The following CACNA1A variants were observed in gnomAD, a reference collection of about 807,000 sequenced individuals.
The protein encoded by CACNA1A is calcium voltage-gated channel subunit alpha1 A, also known as voltage-dependent P/Q-type calcium channel subunit alpha-1A.
CACNA1A carries 57 observed loss-of-function variants against 262.4 expected under a neutral mutation model. The observed-to-expected ratio is 0.22, with a 90% CI of 0.18 to 0.27. The LOEUF (loss-of-function observed/expected upper bound fraction) is 0.27, where lower values mean the gene tolerates loss of function less well. Ranked by LOEUF, CACNA1A falls within the 10% of genes least tolerant of loss-of-function variation. The probability of loss-of-function intolerance (pLI) is 1.00; values close to 1 mark genes in which losing one functional copy is unlikely to be tolerated. For missense variants in CACNA1A, 2,526 were observed against 3,562.8 expected (o/e 0.71, Z 7.41); for synonymous variants, 1,431 against 1,419.3 (o/e 1.01, Z -0.18).
At chr19:13,286,368 A>G in intron 20 of CACNA1A, 135 bp downstream of exon 20, 1 of 472,040 alleles carries the variant, frequency 2.1e-6, no homozygotes, top group East Asian at 3.3e-5. Flanking sequence ...GTAGGAAACT[A>G]CGCCTATGCC....
intron 3 of CACNA1A, chr19:13,451,115 T>A (rs1268447500): frequency 6.6e-6 from 1 of 152,320 alleles, no homozygotes; most frequent in Admixed American, 6.6e-5. Context: ...CCAACAAAGA[T>A]CCCTCTGTGA....
chr19:13,445,133 T>C (rs796317403), intron 3 of CACNA1A, among the ~76,000 whole-genome samples: 118 of 128,584 alleles, frequency 9.2e-4, no homozygotes, highest in African/African-American at 3.6e-3. Flanking sequence ...AGAGAAAAAC[T>C]CCGTCTCAAA....
At chr19:13,301,224 G>A (rs1463649712) in intron 17 of CACNA1A, among the ~76,000 whole-genome samples, 1 of 151,218 alleles carries the variant, frequency 6.6e-6, no homozygotes, top group East Asian at 1.9e-4. Flanking sequence ...CCAAAGTGCT[G>A]GGATTCCAGG....
At position 13,376,988 on chromosome 19, in the gene CACNA1A, G is replaced by A. The variant is rs559818792; in HGVS notation, c.540-5209C>T. Among the ~76,000 whole-genome samples the A allele has an allele frequency of 1.6e-4, 23 of 140,668 alleles. 2 individuals are homozygous for A. Among genetic ancestry groups the A allele is most frequent in the African/African-American group, 3.7e-4 (14 of 38,006 alleles). The allele number at this position is 140,668 out of a possible 152,430, so 92.3% of individuals were successfully genotyped here. On this transcript the variant is annotated intron_variant, in intron 3 of 46. Coordinates refer to ENST00000360228, the MANE Select transcript of CACNA1A (RefSeq NM_001127222.2). ...ATATATATGTATTTTAGATGAAGTCGCACTCTTGTTGCCCAGGCTGGAGTG... is the reference window on the plus strand; with the variant it reads ...ATATATATGTATTTTAGATGAAGTCACACTCTTGTTGCCCAGGCTGGAGTG...
chr19:13,319,985 C>T (rs142971932), intron 10 of CACNA1A, among the ~76,000 whole-genome samples: 2 of 152,248 alleles, frequency 1.3e-5, no homozygotes, highest in South Asian at 2.1e-4. Context: ...ACATTCCACT[C>T]GGCTGCAGTT....
chr19:13,207,028 T>G lies in CACNA1A; in HGVS notation c.*285A>C. On this transcript the variant is annotated 3_prime_UTR_variant, in exon 47 of 47. Coordinates refer to ENST00000360228, the MANE Select transcript of CACNA1A (RefSeq NM_001127222.2). This position sits in a 1 kb window ranked among gnomAD's most constrained non-coding sequence, Gnocchi z 5.7. ...TGAGTTAATTCAAATCCCTTGGCTGTGTGGTTTGTCTGCTCCCTGCCTCCC... is the reference window on the plus strand; with the variant it reads ...TGAGTTAATTCAAATCCCTTGGCTGGGTGGTTTGTCTGCTCCCTGCCTCCC... 5.5e-5 allele frequency: 10 copies of G among 181,666 alleles called. No homozygotes were observed. The highest frequency in any genetic ancestry group is 1.5e-4 in the East Asian group (1 of 6,748). The allele number at this position is 181,666 out of a possible 1,614,324, so 11.3% of individuals were successfully genotyped here. A position where few individuals can be genotyped will look rare whatever the true frequency, so the allele number is the denominator to read the frequency against.
intron 38 of CACNA1A, among the ~76,000 whole-genome samples, chr19:13,215,632 T>C (rs1246617029): frequency 6.6e-6 from 1 of 151,424 alleles, no homozygotes; most frequent in South Asian, 2.1e-4. Context: ...TTTTTTTTTT[T>C]TTTTTGACAG....
In CACNA1A at chr19:13,326,816, A is replaced by G. The variant is rs112773650; in HGVS notation, c.1345+3428T>C. On this transcript the variant is annotated intron_variant, in intron 10 of 46. Transcript: ENST00000360228. ...AAAAAAAAAAAAAAGGACTGTGCAT[A>G]CTGTGGTATAATGTGAACGTGAACG... Among the ~76,000 whole-genome samples the G allele has an allele frequency of 2.6e-3, 395 of 150,296 alleles. 3 individuals are homozygous for G. The highest frequency in any genetic ancestry group is 8.8e-3 in the African/African-American group (361 of 41,036).
intron 1 of CACNA1A, among the ~76,000 whole-genome samples, chr19:13,461,203 A>G (rs1301162877): frequency 1.3e-5 from 2 of 152,070 alleles, no homozygotes; most frequent in African/African-American, 4.8e-5. Flanking sequence ...AGCTGGGCAT[A>G]GTGGCAGACG....
chr19:13,506,149 C>A lies in CACNA1A; in HGVS notation c.76G>T (p.Gly26Cys). 1 of 1,570,936 alleles carries A rather than the reference C, an allele frequency of 6.4e-7. No individual in the cohort carries two copies. The highest frequency in any genetic ancestry group is 1.9e-5 in the Admixed American group (1 of 53,382). ...CCGGCTCCTCGCCCGCCTCCGCTGC[C>A]CACGACCACCCCGGCGGCTGCCCCG... ...GSGAAAGVVV[G>C]SGGGRGAGGS... Residue 26 changes from glycine to cysteine, a missense_variant, in exon 1 of 47, where the codon GGC becomes TGC. By Grantham distance (159) the Gly-to-Cys change is radical. Transcript: ENST00000360228.
chr19:13,460,912 CTTCT>C (rs1235523853), intron 1 of CACNA1A, among the ~76,000 whole-genome samples: 2 of 151,812 alleles, frequency 1.3e-5, no homozygotes, highest in Non-Finnish European at 2.9e-5. Flanking sequence ...TATTTTTTTC[CTTCT>C]TTATCTTGTT....
In CACNA1A at chr19:13,506,401, G is replaced by C. The variant is rs1983051601; in HGVS notation, c.-177C>G. ...TCGGGCGGCGGCGGCTCGGCGCCTC[G>C]GGTCGGGGGCTCAGAAGGCGGCTGC... On this transcript the variant is annotated 5_prime_UTR_variant, in exon 1 of 47. Coordinates refer to ENST00000360228, the MANE Select transcript of CACNA1A (RefSeq NM_001127222.2). 1 of 448,038 alleles carries C rather than the reference G, an allele frequency of 2.2e-6. No individual in the cohort carries two copies. Among genetic ancestry groups the C allele is most frequent in the Admixed American group, 4.5e-5 (1 of 22,240 alleles). 27.8% of individuals were successfully genotyped at this position (448,038 alleles called of 1,614,324 possible).
intron 20 of CACNA1A, among the ~76,000 whole-genome samples, chr19:13,285,952 A>AT (rs74181819): frequency 0.065 from 6,217 of 95,732 alleles, 430 homozygotes; most frequent in East Asian, 0.12. Context: ...GCAGTTCACC[A>AT]TTTTTTTTTT....
At chr19:13,282,037 C>CCTGGGGGAAACCAGG (rs2057304471) in intron 22 of CACNA1A, among the ~76,000 whole-genome samples, 1 of 152,228 alleles carries the variant, frequency 6.6e-6, no homozygotes, top group Non-Finnish European at 1.5e-5. Context: ...CCTGGAGGCC[C>CCTGGGGGAAACCAGG]CTGGGGGAAA....
At chr19:13,452,764 G>T in intron 3 of CACNA1A, 112 bp downstream of exon 3, 1 of 941,838 alleles carries the variant, frequency 1.1e-6, no homozygotes, top group Non-Finnish European at 1.6e-6. Flanking sequence ...ATAACAAGGG[G>T]AGGGAGAACA....
intron 10 of CACNA1A, among the ~76,000 whole-genome samples, chr19:13,322,618 T>C (rs946453891): frequency 2.6e-5 from 4 of 151,306 alleles, no homozygotes; most frequent in African/African-American, 9.7e-5. Flanking sequence ...TCTTGTAAGA[T>C]GGAGTCTCAC....
In CACNA1A at chr19:13,277,233, G is replaced by T; in HGVS notation, c.3823-105C>A. On this transcript the variant is annotated intron_variant, in intron 22 of 46. Transcript: ENST00000360228. The stretch of plus-strand genomic sequence containing the variant: ...TGGGGAGCAGAGTTTCTACCCAGAA[G>T]AGGAAACACAGCTGCTATATACAGT... The T allele has an allele frequency of 9.3e-6, 7 of 755,552 alleles. No individual in the cohort carries two copies. The South Asian group carries it at 1.1e-4, about 12-fold the overall frequency. The allele number at this position is 755,552 out of a possible 1,614,324, so 46.8% of individuals were successfully genotyped here.
Position 13,431,494 on chromosome 19 carries a change from C to T in CACNA1A, c.539+21382G>A, listed in dbSNP as rs531707071. Among the ~76,000 whole-genome samples the T allele has an allele frequency of 2.0e-5, 3 of 151,918 alleles. No individual in the cohort carries two copies. In the South Asian group the frequency reaches 6.3e-4, roughly 32 times the overall value. On this transcript the variant is annotated intron_variant, in intron 3 of 46. Transcript: ENST00000360228. ...GCCTTTACCTAAACAGAAAATAGGG[C>T]AGGAGGAGCAGGTTTGGGTGACGGT... is the stretch of plus-strand genomic sequence containing the variant.
At chr19:13,338,919 G>A (rs559691358) in intron 6 of CACNA1A, among the ~76,000 whole-genome samples, 42 of 152,232 alleles carry the variant, frequency 2.8e-4, no homozygotes, top group Admixed American at 1.0e-3. Context: ...AGGCTGGAGT[G>A]CAGTGGCATG....
Sources: allele counts gnomAD v4.1 joint callset (sites outside exome capture counted in the v4.1 genomes callset), GRCh38; gene constraint gnomAD v4.1.1; non-coding constraint Gnocchi (gnomAD v3.1); transcripts MANE v1.5; gene names NCBI Gene and HGNC (gene_info 2026-07-23, HGNC 2026-07-21).